ETV5: variants seen among roughly 807,000 people sequenced by gnomAD.
ETV5 encodes ETS translocation variant 5.
ETV5 carries 10 observed loss-of-function variants against 70.0 expected under a neutral mutation model. The observed-to-expected ratio is 0.14, with a 90% CI of 0.09 to 0.24. The LOEUF is 0.24. ETV5 is among the 10% of genes least tolerant of loss of function. The pLI is 1.00. For synonymous variants in ETV5, 216 were observed against 242.2 expected (o/e 0.89, Z 1.01); for missense variants, 453 against 651.2 (o/e 0.70, Z 3.31).
At chr3:186,064,258 T>A (rs1713380617) in intron 9 of ETV5, 159 bp downstream of exon 9, 1 of 658,434 alleles carries the variant, frequency 1.5e-6, no homozygotes, top group South Asian at 1.9e-5. Flanking sequence ...TAAACTATGA[T>A]CTCAAATCTT....
chr3:186,107,021 C>A (rs1428185562), intron 1 of ETV5: 3 of 890,892 alleles, frequency 3.4e-6, no homozygotes, highest in African/African-American at 1.8e-5. Flanking sequence ...AAACAGGAAA[C>A]TTTTCCCCCG....
rs540652113 is a variant in ETV5, at chr3:186,046,814, T to C, written c.*1825A>G. The C allele has an allele frequency of 3.0e-5, 7 of 232,376 alleles. No individual in the cohort carries two copies. Among genetic ancestry groups the C allele is most frequent in the Non-Finnish European group, 5.1e-5 (6 of 117,244 alleles). The allele number at this position is 232,376 out of a possible 1,614,324, so 14.4% of individuals were successfully genotyped here. A position where few individuals can be genotyped will look rare whatever the true frequency, so the allele number is the denominator to read the frequency against. On this transcript the variant is annotated 3_prime_UTR_variant, in exon 13 of 13. Coordinates refer to ENST00000306376, the MANE Select transcript of ETV5 (RefSeq NM_004454.3). ...GACTATGTGTAGGTTAAGAAAGCTA[T>C]AAATATGGTTTAGAAAGAGTCCTTT...
chr3:186,048,540 G>A lies in ETV5; in HGVS notation c.*99C>T. Reference sequence around the variant, plus strand: ...TCTCCAGATAATACTCAAAGGGCAAGCTTTAGGAACAACCAAAAACACAAA... The same window carrying A: ...TCTCCAGATAATACTCAAAGGGCAAACTTTAGGAACAACCAAAAACACAAA... On this transcript the variant is annotated 3_prime_UTR_variant, in exon 13 of 13. Coordinates refer to ENST00000306376, the MANE Select transcript of ETV5 (RefSeq NM_004454.3). 8.9e-7 allele frequency: 1 copy of A among 1,118,110 alleles called. No homozygotes were observed. Among genetic ancestry groups the A allele is most frequent in the Admixed American group, 1.9e-5 (1 of 53,232 alleles). The allele number at this position is 1,118,110 out of a possible 1,614,324, so 69.3% of individuals were successfully genotyped here.
intron 7 of ETV5, among the ~76,000 whole-genome samples, chr3:186,071,435 A>G (rs1001191415): frequency 6.6e-6 from 1 of 152,184 alleles, no homozygotes; most frequent in East Asian, 1.9e-4. Flanking sequence ...CTGAAGTCCA[A>G]CCTTTACCAC....
chr3:186,079,002 C>T (rs1713865928), intron 7 of ETV5: 2 of 1,040,270 alleles, frequency 1.9e-6, no homozygotes, highest in African/African-American at 3.3e-5. Context: ...CACCGATCCA[C>T]CTAACACAAG....
chr3:186,093,862 C>T lies in ETV5; in HGVS notation c.232+11443G>A, dbSNP rs986426349. ...GGAAGAGCAAATGTGGTCCTGAACA[C>T]TGTCTACCTTTTCTGCTGCATGAGG... is the stretch of plus-strand genomic sequence containing the variant. On this transcript the variant is annotated intron_variant, in intron 5 of 12. Coordinates refer to ENST00000306376, the MANE Select transcript of ETV5 (RefSeq NM_004454.3). Among the ~76,000 whole-genome samples the T allele has an allele frequency of 5.3e-5, 8 of 152,342 alleles. No individual in the cohort carries two copies. In the East Asian group the frequency reaches 1.5e-3, roughly 29 times the overall value.
intron 9 of ETV5, among the ~76,000 whole-genome samples, chr3:186,061,115 C>T (rs1257600446): frequency 6.6e-6 from 1 of 152,192 alleles, no homozygotes; most frequent in Non-Finnish European, 1.5e-5. Context: ...AAACACGGCT[C>T]TTATGAACTA....
chr3:186,097,102 G>A (rs908206214), intron 5 of ETV5, among the ~76,000 whole-genome samples: 2 of 152,118 alleles, frequency 1.3e-5, no homozygotes, highest in Non-Finnish European at 2.9e-5. Context: ...GCATGATGAG[G>A]CTACTTTGGT....
At chr3:186,050,672 T>G (rs1043025359) in intron 12 of ETV5, among the ~76,000 whole-genome samples, 4 of 152,150 alleles carry the variant, frequency 2.6e-5, no homozygotes, top group African/African-American at 4.8e-5. Flanking sequence ...AGCATTTAAC[T>G]CTGTATCAAG....
chr3:186,090,999 A>G (rs1004134466), intron 5 of ETV5, among the ~76,000 whole-genome samples: 13 of 152,192 alleles, frequency 8.5e-5, no homozygotes, highest in Admixed American at 6.5e-4. Context: ...AGGAACCAAG[A>G]ATGGCAGCTG....
intron 1 of ETV5, among the ~76,000 whole-genome samples, chr3:186,107,353 AAGAG>A (rs1225963197): frequency 6.6e-6 from 1 of 152,174 alleles, no homozygotes; most frequent in Admixed American, 6.5e-5. Context: ...AGGGGCATGA[AAGAG>A]AGAGTGCTCT....
At chr3:186,074,109 A>G (rs1442880433) in intron 7 of ETV5, among the ~76,000 whole-genome samples, 1 of 152,064 alleles carries the variant, frequency 6.6e-6, no homozygotes, top group Non-Finnish European at 1.5e-5. Flanking sequence ...TGCCAAGACT[A>G]AGGAAAAAAA....
chr3:186,108,642 C>T, intron 1 of ETV5: 1 of 1,166,488 alleles, frequency 8.6e-7, no homozygotes, highest in South Asian at 1.6e-5. Flanking sequence ...TCCGCGATCC[C>T]CCATCCACTC....
chr3:186,108,830 C>A (rs1714665843), intron 1 of ETV5, 110 bp downstream of exon 1: 1 of 258,774 alleles, frequency 3.9e-6, no homozygotes, highest in Admixed American at 5.3e-5. Flanking sequence ...TACTGCACCC[C>A]GACTTTGAAG....
In ETV5 at chr3:186,057,227, G is replaced by C. The variant is rs770158979; in HGVS notation, c.1057C>G (p.Pro353Ala). ...GGGGGCCCCTCTCGATACATGGTAG[G>C]CTCCTGTTTGACTTTGCCTGTTTGG... ...ERLEGKVKQEPTMYREGPPYQ... is the reference protein window; with the variant it reads ...ERLEGKVKQEATMYREGPPYQ... The change falls in exon 11 of 13, where the codon CCT (proline) becomes GCT (alanine). Residue 353 changes from proline to alanine, a missense_variant. Transcript: ENST00000306376. This position sits in a 1 kb window ranked among gnomAD's most constrained non-coding sequence, Gnocchi z 4.9. 5.1e-5 allele frequency: 82 copies of C among 1,614,040 alleles called. No homozygotes were observed. In the East Asian group the frequency reaches 1.6e-3, roughly 32 times the overall value.
intron 5 of ETV5, among the ~76,000 whole-genome samples, chr3:186,089,536 T>C (rs931071214): frequency 1.4e-4 from 21 of 152,338 alleles, no homozygotes; most frequent in Non-Finnish European, 2.9e-4. Context: ...TCTGTGTCAC[T>C]CTGTTCTTTC....
intron 1 of ETV5, among the ~76,000 whole-genome samples, chr3:186,107,753 GC>G (rs1303655766): frequency 6.6e-6 from 1 of 152,066 alleles, no homozygotes; most frequent in African/African-American, 2.4e-5. Context: ...CGCGCAGCGG[GC>G]CCGGTTTTAT....
chr3:186,069,105 G>A (rs925072363), intron 7 of ETV5, among the ~76,000 whole-genome samples: 1 of 151,938 alleles, frequency 6.6e-6, no homozygotes, highest in Non-Finnish European at 1.5e-5. Flanking sequence ...GAAGAGATCT[G>A]TGTACAGATA....
chr3:186,106,693 CTT>C (rs1046664313), intron 1 of ETV5, among the ~76,000 whole-genome samples: 4 of 152,128 alleles, frequency 2.6e-5, no homozygotes, highest in Admixed American at 2.6e-4. Context: ...TCTTTTAAAA[CTT>C]AGGCTGTTTC....
Sources: gnomAD v4.1 joint callset for allele counts (sites outside exome capture counted in the v4.1 genomes callset) on GRCh38, gnomAD v4.1.1 for gene constraint, Gnocchi (gnomAD v3.1) non-coding constraint, MANE v1.5 for transcripts, NCBI Gene and HGNC (gene_info 2026-07-23, HGNC 2026-07-21) for gene names.